Variants in NCKAP5L observed in about 807,000 individuals in gnomAD.
NCKAP5L encodes NCK associated protein 5 like.
NCKAP5L carries 54 observed loss-of-function variants against 103.2 expected under a neutral mutation model. That is an observed-to-expected ratio of 0.52 (90% CI 0.42 to 0.66). The LOEUF is 0.66. NCKAP5L is among the 30% of genes least tolerant of loss of function. NCKAP5L has a pLI of 0.00. For missense variants in NCKAP5L, 1,733 were observed against 1,750.6 expected, an observed-to-expected ratio of 0.99 and a Z score of 0.18; for synonymous variants, 762 against 748.6, an observed-to-expected ratio of 1.02 and a Z score of -0.29.
In NCKAP5L at chr12:49,797,953, T is replaced by C. The variant is rs1199281602; in HGVS notation, c.465+397A>G. Reference sequence around the variant, plus strand: ...ATAGTGTGGTATAGTGGGCAACCCATAGGCTCTGGAGTCAGCCTGTGTAGG... The same window carrying C: ...ATAGTGTGGTATAGTGGGCAACCCACAGGCTCTGGAGTCAGCCTGTGTAGG... On this transcript the variant is annotated intron_variant, in intron 7 of 12. Coordinates refer to ENST00000335999, the MANE Select transcript of NCKAP5L (RefSeq NM_001037806.4). The surrounding 1 kb of genome is among the most constrained non-coding windows in gnomAD (Gnocchi z 4.5). Among the ~76,000 whole-genome samples the C allele has an allele frequency of 6.6e-6, 1 of 152,178 alleles. No individual in the cohort carries two copies. Among genetic ancestry groups the C allele is most frequent in the Non-Finnish European group, 1.5e-5 (1 of 68,022 alleles).
chr12:49,814,101 G>A (rs1332997999), intron 1 of NCKAP5L, among the ~76,000 whole-genome samples: 7 of 151,250 alleles, frequency 4.6e-5, no homozygotes, highest in African/African-American at 1.5e-4. Flanking sequence ...GAGCAACTTT[G>A]CCCAGCCTAG....
chr12:49,815,917 G>T (rs1946290358), intron 1 of NCKAP5L, among the ~76,000 whole-genome samples: 1 of 152,064 alleles, frequency 6.6e-6, no homozygotes, highest in East Asian at 1.9e-4. Flanking sequence ...TAAATCTGAT[G>T]GTGTTCTTCC....
Position 49,793,090 on chromosome 12 carries a change from C to T in NCKAP5L, c.3341-104G>A, listed in dbSNP as rs1348314780. 8.1e-6 allele frequency: 8 copies of T among 992,892 alleles called. No homozygotes were observed. The African/African-American group carries it at 8.2e-5, about 10-fold the overall frequency. 61.5% of individuals were successfully genotyped at this position (992,892 alleles called of 1,614,324 possible). A position where few individuals can be genotyped will look rare whatever the true frequency, so the allele number is the denominator to read the frequency against. Reference sequence around the variant, plus strand: ...CCAGGCTCCACCCTTACTCAGGGCCCCTCCTGGCCCAACAGGCTCATTCCA... The same window carrying T: ...CCAGGCTCCACCCTTACTCAGGGCCTCTCCTGGCCCAACAGGCTCATTCCA... On this transcript the variant is annotated intron_variant, in intron 10 of 12. Coordinates refer to ENST00000335999, the MANE Select transcript of NCKAP5L (RefSeq NM_001037806.4).
chr12:49,825,729 C>A (rs942444850), intron 1 of NCKAP5L, among the ~76,000 whole-genome samples: 3 of 152,146 alleles, frequency 2.0e-5, no homozygotes, highest in Non-Finnish European at 4.4e-5. Context: ...CCTTCATAGG[C>A]AGCAGGGCCC....
intron 1 of NCKAP5L, among the ~76,000 whole-genome samples, chr12:49,819,639 T>G (rs544985865): frequency 6.6e-6 from 1 of 152,102 alleles, no homozygotes; most frequent in Non-Finnish European, 1.5e-5. Flanking sequence ...AAGCAGAGGA[T>G]TGCTTGAGCC....
In NCKAP5L at chr12:49,796,113, T is replaced by G; in HGVS notation, c.1747A>C (p.Thr583Pro). 1 of 1,610,162 alleles carries G rather than the reference T, an allele frequency of 6.2e-7. No homozygotes were observed. ...EPPPSPLQVP[T>P]YPQLTLEVPQ... is the part of the protein sequence containing the mutation. ...ACCTCCAGAGTTAGCTGTGGGTAGG[T>G]GGGCACCTGCAGTGGGGATGGAGGT... Residue 583 changes from threonine (T) to proline (P), a missense_variant, in exon 8 of 13, where the codon ACC becomes CCC. Coordinates refer to ENST00000335999, the MANE Select transcript of NCKAP5L (RefSeq NM_001037806.4).
Position 49,797,772 on chromosome 12 carries a change from C to T in NCKAP5L, c.466-378G>A, listed in dbSNP as rs1166029968. Among the ~76,000 whole-genome samples, 1 of 152,188 alleles carries T rather than the reference C, an allele frequency of 6.6e-6. No individual in the cohort carries two copies. The highest frequency in any genetic ancestry group is 1.9e-4 in the East Asian group (1 of 5,190). On this transcript the variant is annotated intron_variant, in intron 7 of 12. Coordinates refer to ENST00000335999, the MANE Select transcript of NCKAP5L (RefSeq NM_001037806.4). This position sits in a 1 kb window ranked among gnomAD's most constrained non-coding sequence, Gnocchi z 4.5. ...ATTTCTCGGGCCCAGAAAGAACACA[C>T]AGACTCCAGAAGGGAGTGTGATGTG...
chr12:49,825,149 T>G (rs1477229213), intron 1 of NCKAP5L, among the ~76,000 whole-genome samples: 1 of 152,232 alleles, frequency 6.6e-6, no homozygotes, highest in Non-Finnish European at 1.5e-5. Flanking sequence ...TGGACTAGAC[T>G]GTCTCTAGGA....
intron 1 of NCKAP5L, among the ~76,000 whole-genome samples, chr12:49,811,457 C>A (rs1312902286): frequency 6.6e-6 from 1 of 152,122 alleles, no homozygotes; most frequent in East Asian, 1.9e-4. Context: ...CGGAACCCTC[C>A]CCACCTCCTC....
chr12:49,792,942 A>G lies in NCKAP5L; in HGVS notation c.3385T>C (p.Phe1129Leu). The stretch of plus-strand genomic sequence containing the variant: ...CTGCTACCATGGTCTGGGGGTGGGA[A>G]GGTCCCAATGCCACTGTCCAAGGTT... ...TRTLDSGIGTFPPPDHGSSGT... is the reference protein window; with the variant it reads ...TRTLDSGIGTLPPPDHGSSGT... Residue 1129 changes from phenylalanine (F) to leucine (L), a missense_variant, in exon 11 of 13, where the codon TTC becomes CTC. Physicochemically the swap from Phe to Leu is conservative, Grantham distance 22. Transcript: ENST00000335999. The surrounding 1 kb of genome is among the most constrained non-coding windows in gnomAD (Gnocchi z 4.5). The G allele has an allele frequency of 6.4e-7, 1 of 1,559,458 alleles. No homozygotes were observed. The highest frequency in any genetic ancestry group is 8.6e-7 in the Non-Finnish European group (1 of 1,160,204).
At chr12:49,809,851 G>A (rs1946220610) in intron 1 of NCKAP5L, among the ~76,000 whole-genome samples, 1 of 152,106 alleles carries the variant, frequency 6.6e-6, no homozygotes, top group Non-Finnish European at 1.5e-5. Flanking sequence ...TAAGAGGGCA[G>A]ACAAGAATTT....
At chr12:49,827,469 C>T (rs1464451948) in intron 1 of NCKAP5L, among the ~76,000 whole-genome samples, 2 of 152,218 alleles carry the variant, frequency 1.3e-5, no homozygotes, top group East Asian at 3.9e-4. Flanking sequence ...CCCTTGGGGC[C>T]GTGCCAGGAC....
chr12:49,802,782 C>T (rs1200649330), intron 5 of NCKAP5L, 176 bp downstream of exon 5: 5 of 668,132 alleles, frequency 7.5e-6, no homozygotes, highest in Non-Finnish European at 1.3e-5. Flanking sequence ...TGCTCAGAGA[C>T]CTGGCCTTAC....
At chr12:49,815,881 T>TC (rs1946290112) in intron 1 of NCKAP5L, among the ~76,000 whole-genome samples, 3 of 152,106 alleles carry the variant, frequency 2.0e-5, no homozygotes, top group African/African-American at 7.2e-5. Flanking sequence ...TCCAAGGAGC[T>TC]CCACCATAGC....
rs1946022435 is a variant in NCKAP5L, at chr12:49,795,558, G to A, written c.2302C>T (p.Pro768Ser). Residue 768 changes from proline (P) to serine (S), a missense_variant, in exon 8 of 13, where the codon CCA becomes TCA. By Grantham distance (74) the Pro-to-Ser change is moderately conservative (BLOSUM62 -1). Coordinates refer to ENST00000335999, the MANE Select transcript of NCKAP5L (RefSeq NM_001037806.4). ...TCCACTTTGGTGAGGCAGCTCCTTGGTGAGACAGGCTCCAGGTCCACCCGG... is the reference window on the plus strand; with the variant it reads ...TCCACTTTGGTGAGGCAGCTCCTTGATGAGACAGGCTCCAGGTCCACCCGG... ...GARVDLEPVS[P>S]RSCLTKVELA... 4.5e-6 allele frequency: 7 copies of A among 1,539,750 alleles called. No homozygotes were observed. The African/African-American group carries it at 5.5e-5, about 12-fold the overall frequency.
At chr12:49,815,054 A>G (rs539280767) in intron 1 of NCKAP5L, among the ~76,000 whole-genome samples, 29 of 152,386 alleles carry the variant, frequency 1.9e-4, no homozygotes, top group African/African-American at 7.0e-4. Context: ...CACACATGAT[A>G]TCAAGGTTTC....
Position 49,823,144 on chromosome 12 carries a change from C to G in NCKAP5L, c.-99+5178G>C, listed in dbSNP as rs145921749. On this transcript the variant is annotated intron_variant, in intron 1 of 12. Transcript: ENST00000335999. ...GTGTGAGCATGGTAACACCACTATT[C>G]AGAAGTTGGTCAGGGGCACTTCCAC... 5.3e-5 allele frequency among the ~76,000 whole-genome samples: 8 copies of G among 152,230 alleles called. No homozygotes were observed. In the East Asian group the frequency reaches 1.5e-3, roughly 29 times the overall value.
Position 49,792,794 on chromosome 12 carries a change from C to G in NCKAP5L, c.3533G>C (p.Arg1178Pro). ...CAGCTCCTCTATGCCTGGCACCTCC[C>G]GCTCCAGTGTGTGGGCGCGGCGGGG... is the stretch of plus-strand genomic sequence containing the variant. ...KVPRRAHTLE[R>P]EVPGIEELLV... The change falls in exon 11 of 13, where the codon CGG becomes CCG. Residue 1178 changes from arginine (R) to proline (P), a missense_variant. Physicochemically the swap from Arg to Pro is moderately radical, Grantham distance 103. Transcript: ENST00000335999. The surrounding 1 kb of genome is among the most constrained non-coding windows in gnomAD (Gnocchi z 4.5). 6.2e-7 allele frequency: 1 copy of G among 1,603,880 alleles called. No individual in the cohort carries two copies. Among genetic ancestry groups the G allele is most frequent in the East Asian group, 2.2e-5 (1 of 44,728 alleles).
In NCKAP5L at chr12:49,801,901, G is replaced by A; in HGVS notation, c.298C>T (p.Leu100=). Residue 100 remains leucine, a synonymous_variant, in exon 6 of 13, where the codon CTG becomes TTG. Coordinates refer to ENST00000335999, the MANE Select transcript of NCKAP5L (RefSeq NM_001037806.4). ...VFDLERQNQM[L]SALFQQKLQL... ...AGTTTCTGCTGAAACAGGGCACTCA[G>A]CATCTGGTTCTGCCGTTCCAGGTCA... 6.8e-6 allele frequency: 11 copies of A among 1,613,960 alleles called. No individual in the cohort carries two copies. The highest frequency in any genetic ancestry group is 9.3e-6 in the Non-Finnish European group (11 of 1,179,860).
Sources: allele counts gnomAD v4.1 joint callset (sites outside exome capture counted in the v4.1 genomes callset), GRCh38; gene constraint gnomAD v4.1.1; non-coding constraint Gnocchi (gnomAD v3.1); transcripts MANE v1.5; gene names NCBI Gene and HGNC (gene_info 2026-07-23, HGNC 2026-07-21).